The following NRXN3 variants were observed in gnomAD, a reference collection of about 807,000 sequenced individuals.
The protein encoded by NRXN3 is neurexin 3.
In NRXN3, 32 loss-of-function variants were observed where a neutral mutation model predicts 137.6. That is an observed-to-expected ratio of 0.23 (90% CI 0.18 to 0.31). The LOEUF (loss-of-function observed/expected upper bound fraction) is 0.31, where lower values mean the gene tolerates loss of function less well. Among genes scored for constraint, NRXN3 ranks in the 10% least tolerant of loss-of-function variants. The pLI, the probability that NRXN3 is intolerant of heterozygous loss-of-function variation, is 1.00. For synonymous variants in NRXN3, 798 were observed against 784.5 expected, an observed-to-expected ratio of 1.02 and a Z score of -0.29; for missense variants, 1,574 against 2,062.5, an observed-to-expected ratio of 0.76 and a Z score of 4.59.
intron 4 of NRXN3, among the ~76,000 whole-genome samples, chr14:78,568,241 G>T (rs1017971501): frequency 6.6e-6 from 1 of 152,160 alleles, no homozygotes; most frequent in Non-Finnish European, 1.5e-5. Context: ...AGGTTAGTAA[G>T]TCATGAGTGC....
At chr14:79,202,274 T>C (rs1309349348) in intron 15 of NRXN3, among the ~76,000 whole-genome samples, 3 of 152,094 alleles carry the variant, frequency 2.0e-5, no homozygotes, top group African/African-American at 7.2e-5. Context: ...GAATGATTGC[T>C]CTCATATTGT....
chr14:78,919,478 TA>T (rs1203668085), intron 10 of NRXN3, among the ~76,000 whole-genome samples: 1 of 152,224 alleles, frequency 6.6e-6, no homozygotes, highest in Non-Finnish European at 1.5e-5. Flanking sequence ...TATTTTGTTC[TA>T]AAATATCAAA....
chr14:78,307,316 T>C (rs938558935), intron 4 of NRXN3, among the ~76,000 whole-genome samples: 1 of 152,128 alleles, frequency 6.6e-6, no homozygotes, highest in African/African-American at 2.4e-5. Flanking sequence ...CTTCTTTTTC[T>C]TTATTGGTTG....
Position 79,370,379 on chromosome 14 carries a change from C to T in NRXN3, c.3263-96842C>T, listed in dbSNP as rs140663003. ...TATTGCCCAGGCTGGAGTGAAATGG[C>T]GCCATCTTGGCTCACTGCAACCTCT... On this transcript the variant is annotated intron_variant, in intron 15 of 20. Coordinates refer to ENST00000335750, the MANE Select transcript of NRXN3 (RefSeq NM_001330195.2). Among the ~76,000 whole-genome samples, 101 of 144,162 alleles carry T rather than the reference C, an allele frequency of 7.0e-4. No individual in the cohort carries two copies. The East Asian group carries it at 0.018, about 25-fold the overall frequency. The allele number at this position is 144,162 out of a possible 152,430, so 94.6% of individuals were successfully genotyped here.
chr14:79,282,987 C>T (rs1204267496), intron 15 of NRXN3, among the ~76,000 whole-genome samples: 1 of 152,170 alleles, frequency 6.6e-6, no homozygotes, highest in Non-Finnish European at 1.5e-5. Flanking sequence ...TGACCCTTTG[C>T]GTCTCTAACT....
At chr14:79,575,087 A>T (rs1246396042) in intron 16 of NRXN3, among the ~76,000 whole-genome samples, 1 of 152,192 alleles carries the variant, frequency 6.6e-6, no homozygotes, top group African/African-American at 2.4e-5. Context: ...TGTTGAAGTC[A>T]TGTTTTGGAG....
At chr14:79,179,573 C>T (rs2062704500) in intron 15 of NRXN3, among the ~76,000 whole-genome samples, 1 of 152,152 alleles carries the variant, frequency 6.6e-6, no homozygotes, top group South Asian at 2.1e-4. Flanking sequence ...TCAACAAGCC[C>T]TCCCAGATGA....
chr14:79,482,697 C>A (rs2096620558), intron 16 of NRXN3, among the ~76,000 whole-genome samples: 1 of 151,714 alleles, frequency 6.6e-6, no homozygotes, highest in Non-Finnish European at 1.5e-5. Flanking sequence ...GAAAAAAAAA[C>A]AACCAAAAAC....
chr14:78,183,652 T>C (rs1225545722), intron 1 of NRXN3, among the ~76,000 whole-genome samples: 2 of 152,212 alleles, frequency 1.3e-5, no homozygotes, highest in Non-Finnish European at 2.9e-5. Flanking sequence ...CCCCGTGAGA[T>C]AGAGGTTCCT....
chr14:79,597,426 T>C (rs918988730), intron 16 of NRXN3, among the ~76,000 whole-genome samples: 1 of 152,208 alleles, frequency 6.6e-6, no homozygotes, highest in Admixed American at 6.5e-5. Flanking sequence ...ATTTCTCTCT[T>C]TATCCCTTCT....
chr14:78,425,823 C>A (rs1598509675), intron 4 of NRXN3, among the ~76,000 whole-genome samples: 1 of 152,104 alleles, frequency 6.6e-6, no homozygotes, highest in East Asian at 1.9e-4. Flanking sequence ...TCCTGTCTGG[C>A]TAGTTATTTA....
chr14:78,542,321 T>C (rs750640122), intron 4 of NRXN3, among the ~76,000 whole-genome samples: 3 of 152,228 alleles, frequency 2.0e-5, no homozygotes, highest in African/African-American at 7.2e-5. Context: ...CAGTAGGCCT[T>C]CTTGAGCTGT....
intron 10 of NRXN3, among the ~76,000 whole-genome samples, chr14:78,949,514 C>T (rs970999123): frequency 2.6e-5 from 4 of 151,972 alleles, no homozygotes; most frequent in Non-Finnish European, 5.9e-5. Context: ...ATTGAACACC[C>T]TCTTGGTGCA....
chr14:78,978,668 C>T lies in NRXN3; in HGVS notation c.3143-9354C>T, dbSNP rs184053296. On this transcript the variant is annotated intron_variant, in intron 14 of 20. Transcript: ENST00000335750. Reference sequence around the variant, plus strand: ...ACCCTCTGTATTAGTTAGGGTTCTCCAGAGAGGTATCATATATATCATATA... The same window carrying T: ...ACCCTCTGTATTAGTTAGGGTTCTCTAGAGAGGTATCATATATATCATATA... 1.1e-3 allele frequency among the ~76,000 whole-genome samples: 165 copies of T among 148,838 alleles called. 1 individual carries two copies. The highest frequency in any genetic ancestry group is 0.011 in the Middle Eastern group (3 of 278).
intron 19 of NRXN3, among the ~76,000 whole-genome samples, chr14:79,746,658 T>C (rs1246068026): frequency 6.6e-6 from 1 of 152,164 alleles, no homozygotes; most frequent in East Asian, 1.9e-4. Flanking sequence ...GGAGTTTTGT[T>C]TTTATTTGTT....
chr14:78,878,119 T>C (rs1404571209), intron 10 of NRXN3, among the ~76,000 whole-genome samples: 1 of 152,146 alleles, frequency 6.6e-6, no homozygotes, highest in African/African-American at 2.4e-5. Flanking sequence ...ATCTTTCTGG[T>C]TAAAAAAAGG....
intron 1 of NRXN3, among the ~76,000 whole-genome samples, chr14:78,204,981 G>C (rs1003621130): frequency 3.3e-5 from 5 of 152,168 alleles, no homozygotes; most frequent in African/African-American, 1.2e-4. Flanking sequence ...GTCAAAGTGC[G>C]GAGACCAAGA....
At position 78,893,353 on chromosome 14, in the gene NRXN3, T is replaced by C. The variant is rs530782214; in HGVS notation, c.2276-63889T>C. 3.3e-5 allele frequency among the ~76,000 whole-genome samples: 5 copies of C among 152,132 alleles called. No homozygotes were observed. The South Asian group carries it at 1.0e-3, about 31-fold the overall frequency. ...CTCTGATCTTTAGTCAATCTTTGGT[T>C]CAGCCAGCTTGTTCTCCTTCTATTG... On this transcript the variant is annotated intron_variant, in intron 10 of 20. Transcript: ENST00000335750.
At chr14:78,191,721 A>G (rs1218219885) in intron 1 of NRXN3, among the ~76,000 whole-genome samples, 1 of 152,146 alleles carries the variant, frequency 6.6e-6, no homozygotes, top group East Asian at 1.9e-4. Flanking sequence ...TGACTGAATG[A>G]GGAAAATCTT....
Sources: allele counts gnomAD v4.1 joint callset (sites outside exome capture counted in the v4.1 genomes callset), GRCh38; gene constraint gnomAD v4.1.1; transcripts MANE v1.5; gene names NCBI Gene and HGNC (gene_info 2026-07-23, HGNC 2026-07-21).